The following RANBP10 variants were observed in gnomAD, a reference collection of about 807,000 sequenced individuals.
RANBP10 encodes RAN binding protein 10, also known as ran-binding protein 10.
Under a neutral mutation model 72.8 loss-of-function variants are expected in RANBP10, and 24 were observed. That is an observed-to-expected ratio of 0.33 (90% CI 0.24 to 0.46). RANBP10 has a LOEUF of 0.46. Ranked by LOEUF, RANBP10 falls within the 20% of genes least tolerant of loss-of-function variation. The pLI, the probability that RANBP10 is intolerant of heterozygous loss-of-function variation, is 1.00. For synonymous variants in RANBP10, 310 were observed against 322.3 expected (o/e 0.96, Z 0.41); for missense variants, 679 against 817.5 (o/e 0.83, Z 2.07).
At chr16:67,771,331 T>C (rs1169185314) in intron 3 of RANBP10, among the ~76,000 whole-genome samples, 2 of 151,888 alleles carry the variant, frequency 1.3e-5, no homozygotes, top group Non-Finnish European at 2.9e-5. Context: ...CTTAAAAACT[T>C]TGATCTTTTT....
Position 67,806,545 on chromosome 16 carries a change from G to C in RANBP10, c.-9C>G. On this transcript the variant is annotated 5_prime_UTR_variant, in exon 1 of 14. Coordinates refer to ENST00000317506, the MANE Select transcript of RANBP10 (RefSeq NM_020850.3). ...GCCGTCGCTGCCGCCATCTTGGAGG[G>C]AGCTACTATTGTGTCACTGGGGGCG... The C allele has an allele frequency of 2.7e-6, 4 of 1,489,592 alleles. No homozygotes were observed. The highest frequency in any genetic ancestry group is 3.5e-6 in the Non-Finnish European group (4 of 1,128,066). The allele number at this position is 1,489,592 out of a possible 1,614,324, so 92.3% of individuals were successfully genotyped here.
intron 2 of RANBP10, among the ~76,000 whole-genome samples, chr16:67,786,558 T>C (rs1239357657): frequency 6.6e-6 from 1 of 152,084 alleles, no homozygotes; most frequent in African/African-American, 2.4e-5. Context: ...AACAAGATCC[T>C]CAACATCACT....
chr16:67,760,835 T>C (rs2054382388), intron 3 of RANBP10, among the ~76,000 whole-genome samples: 1 of 152,166 alleles, frequency 6.6e-6, no homozygotes, highest in South Asian at 2.1e-4. Flanking sequence ...CTGGGCCTCC[T>C]ATCAACACAG....
chr16:67,748,456 G>A (rs992751683), intron 3 of RANBP10, among the ~76,000 whole-genome samples: 3 of 151,840 alleles, frequency 2.0e-5, no homozygotes. Context: ...CCAGAAAGGC[G>A]GAGGTTGCAG....
chr16:67,806,451 G>A lies in RANBP10; in HGVS notation c.86C>T (p.Ser29Phe). 6.4e-7 allele frequency: 1 copy of A among 1,573,880 alleles called. No individual in the cohort carries two copies. Among genetic ancestry groups the A allele is most frequent in the Non-Finnish European group, 8.6e-7 (1 of 1,163,404 alleles). Reference protein sequence around the residue: ...SGGGAGGGLPSPGEQELSRRL... With the variant: ...SGGGAGGGLPFPGEQELSRRL... ...CCGGCTCAGCTCCTGCTCCCCAGGGGACGGCAGCCCGCCCCCAGCGCCCCC... is the reference window on the plus strand; with the variant it reads ...CCGGCTCAGCTCCTGCTCCCCAGGGAACGGCAGCCCGCCCCCAGCGCCCCC... Residue 29 changes from serine to phenylalanine, a missense_variant, in exon 1 of 14, where the codon TCC (serine) becomes TTC (phenylalanine). Transcript: ENST00000317506.
chr16:67,770,086 C>G (rs1362166591), intron 3 of RANBP10, among the ~76,000 whole-genome samples: 1 of 151,956 alleles, frequency 6.6e-6, no homozygotes, highest in Non-Finnish European at 1.5e-5. Flanking sequence ...CAAAAAAAAG[C>G]TCATAAAAGT....
intron 13 of RANBP10, among the ~76,000 whole-genome samples, chr16:67,727,021 A>G (rs549742746): frequency 6.6e-6 from 1 of 152,298 alleles, no homozygotes; most frequent in East Asian, 1.9e-4. Flanking sequence ...TAGGCCAGGC[A>G]TGGTGGCTCA....
intron 3 of RANBP10, among the ~76,000 whole-genome samples, chr16:67,768,382 G>A (rs1287303676): frequency 1.3e-5 from 2 of 151,820 alleles, no homozygotes; most frequent in Middle Eastern, 3.2e-3. Context: ...TTAGCCAGGC[G>A]TGGTGGTGTG....
At chr16:67,792,942 A>C (rs1425983323) in intron 2 of RANBP10, among the ~76,000 whole-genome samples, 1 of 152,074 alleles carries the variant, frequency 6.6e-6, no homozygotes, top group African/African-American at 2.4e-5. Context: ...AAAGGGGCAG[A>C]ACAGCCCCTA....
intron 2 of RANBP10, among the ~76,000 whole-genome samples, chr16:67,797,463 G>A (rs2055154432): frequency 6.6e-6 from 1 of 152,168 alleles, no homozygotes; most frequent in South Asian, 2.1e-4. Flanking sequence ...GAGCGTAGGA[G>A]TTCCAGACCA....
rs964043858 is a variant in RANBP10 at position 67,726,203 on chromosome 16, C to T, written c.*225G>A. ...GCTACATGAGAGTAACCAGCCAATA[C>T]TGTGTTACAGGCCGCTGCACGTGAA... On this transcript the variant is annotated 3_prime_UTR_variant, in exon 14 of 14. Transcript: ENST00000317506. The T allele has an allele frequency of 9.1e-6, 5 of 548,574 alleles. No homozygotes were observed. In the Admixed American group the frequency reaches 1.6e-4, roughly 18 times the overall value. The allele number at this position is 548,574 out of a possible 1,614,324, so 34.0% of individuals were successfully genotyped here. A position where few individuals can be genotyped will look rare whatever the true frequency, so the allele number is the denominator to read the frequency against.
chr16:67,805,381 G>C (rs1319321829), intron 2 of RANBP10, 47 bp downstream of exon 2: 2 of 1,532,852 alleles, frequency 1.3e-6, no homozygotes, highest in East Asian at 2.3e-5. Flanking sequence ...CTGACCACAG[G>C]GATCAGCTCC....
At chr16:67,776,040 G>C (rs148626072) in intron 2 of RANBP10, among the ~76,000 whole-genome samples, 138 of 151,966 alleles carry the variant, frequency 9.1e-4, no homozygotes, top group African/African-American at 2.8e-3. Context: ...AGCTACTCAG[G>C]AGGCTGAGGC....
At chr16:67,796,270 T>C (rs1199522891) in intron 2 of RANBP10, among the ~76,000 whole-genome samples, 2 of 152,196 alleles carry the variant, frequency 1.3e-5, no homozygotes, top group Non-Finnish European at 2.9e-5. Context: ...TGGTGCAAGT[T>C]GTTATAAAAA....
intron 6 of RANBP10, among the ~76,000 whole-genome samples, chr16:67,733,917 G>C (rs148323001): frequency 3.3e-5 from 5 of 152,306 alleles, no homozygotes; most frequent in Middle Eastern, 3.4e-3. Flanking sequence ...CCCTCTTCTT[G>C]GCAATCCCAC....
At chr16:67,804,807 G>T (rs2055309865) in intron 2 of RANBP10, among the ~76,000 whole-genome samples, 1 of 152,072 alleles carries the variant, frequency 6.6e-6, no homozygotes, top group African/African-American at 2.4e-5. Context: ...GGGATTACAG[G>T]CGTGAGCCAC....
intron 2 of RANBP10, among the ~76,000 whole-genome samples, chr16:67,795,523 G>A (rs1292783205): frequency 6.6e-6 from 1 of 151,326 alleles, no homozygotes; most frequent in Non-Finnish European, 1.5e-5. Context: ...TGGGCAACAA[G>A]AGTGAAACTC....
At chr16:67,763,618 A>G (rs1216148495) in intron 3 of RANBP10, 2 of 152,236 alleles carry the variant, frequency 1.3e-5, no homozygotes, top group Non-Finnish European at 2.9e-5. Flanking sequence ...CATAGGCCTC[A>G]CAAGTCTTCT....
At position 67,780,164 on chromosome 16, in the gene RANBP10, G is replaced by A. The variant is rs529417521; in HGVS notation, c.348-8078C>T. Among the ~76,000 whole-genome samples the A allele has an allele frequency of 3.5e-4, 53 of 152,194 alleles. No homozygotes were observed. The South Asian group carries it at 6.2e-3, about 18-fold the overall frequency. On this transcript the variant is annotated intron_variant, in intron 2 of 13. Coordinates refer to ENST00000317506, the MANE Select transcript of RANBP10 (RefSeq NM_020850.3). ...GGACAATCACTTGAACCCGGGAGGC[G>A]GAGAATGCAGTGAGCCGAGATTGCG...
Sources: gnomAD v4.1 joint callset for allele counts (sites outside exome capture counted in the v4.1 genomes callset) on GRCh38, gnomAD v4.1.1 for gene constraint, MANE v1.5 for transcripts, NCBI Gene and HGNC (gene_info 2026-07-23, HGNC 2026-07-21) for gene names.